CABLES2: variants seen among roughly 807,000 people sequenced by gnomAD.
CABLES2 encodes CDK5 and ABL1 enzyme substrate 2.
In CABLES2, 35 loss-of-function variants were observed where a neutral mutation model predicts 44.8. The ratio of observed to expected loss-of-function variants is 0.78; its 90% confidence interval spans 0.60 to 1.04. The LOEUF (loss-of-function observed/expected upper bound fraction) is 1.04, where lower values mean the gene tolerates loss of function less well. CABLES2 is among the 50% of genes least tolerant of loss of function. The pLI, the probability that CABLES2 is intolerant of heterozygous loss-of-function variation, is 0.00. For missense variants in CABLES2, 566 were observed against 615.7 expected (o/e 0.92, Z 0.85); for synonymous variants, 282 against 281.1 (o/e 1.00, Z -0.03).
Position 62,391,365 on chromosome 20 carries a change from C to T in CABLES2, c.1180G>A (p.Val394Ile), listed in dbSNP as rs1335443631. Reference sequence around the variant, plus strand: ...TGTTTGCTGAGCTTGCCCTGCAGGACCAGCTTCTCAAAGTACACGTAGGCC... The same window carrying T: ...TGTTTGCTGAGCTTGCCCTGCAGGATCAGCTTCTCAAAGTACACGTAGGCC... ...AMAYVYFEKL[V>I]LQGKLSKQNR... is the part of the protein sequence containing the mutation. Residue 394 changes from valine (V) to isoleucine (I), a missense_variant, in exon 9 of 10, where the codon GTC (valine) becomes ATC (isoleucine). By Grantham distance (29) the Val-to-Ile change is conservative. Around this residue, in one of 2 missense-constraint regions of CABLES2, gnomAD observed 436 missense variants for 536.3 expected, o/e 0.81. Coordinates refer to ENST00000279101, the MANE Select transcript of CABLES2 (RefSeq NM_031215.3). This position sits in a 1 kb window ranked among gnomAD's most constrained non-coding sequence, Gnocchi z 5.7. The T allele has an allele frequency of 3.1e-6, 5 of 1,613,496 alleles. No homozygotes were observed. Among genetic ancestry groups the T allele is most frequent in the South Asian group, 1.1e-5 (1 of 91,092 alleles).
Position 62,398,175 on chromosome 20 carries a change from G to GTGGTGGTGGTGACGGTGGTGA in CABLES2, c.363-1584_363-1583insTCACCACCGTCACCACCACCA, listed in dbSNP as rs1418202971. 1.6e-3 allele frequency among the ~76,000 whole-genome samples: 90 copies of GTGGTGGTGGTGACGGTGGTGA among 55,624 alleles called. 3 individuals carry two copies. In the African/African-American group the frequency reaches 0.021, roughly 13 times the overall value. 36.5% of individuals were successfully genotyped at this position (55,624 alleles called of 152,430 possible). The stretch of plus-strand genomic sequence containing the variant: ...GGTGGTGACGGTGATGGTGGTAATG[G>GTGGTGGTGGTGACGGTGGTGA]TGGTGGTGGTGATGGTGATGATGGT... On this transcript the variant is annotated intron_variant, in intron 1 of 9. Coordinates refer to ENST00000279101, the MANE Select transcript of CABLES2 (RefSeq NM_031215.3).
intron 4 of CABLES2, 78 bp from the exon 5 acceptor site, chr20:62,394,343 G>A: frequency 8.9e-7 from 1 of 1,129,516 alleles, no homozygotes; most frequent in South Asian, 1.2e-5. Flanking sequence ...CTGTCCGCTG[G>A]CCCGAGGTGC....
intron 1 of CABLES2, among the ~76,000 whole-genome samples, chr20:62,401,519 G>A (rs1159679449): frequency 1.3e-5 from 2 of 152,188 alleles, no homozygotes; most frequent in Non-Finnish European, 2.9e-5. Context: ...TGCTCGCCCC[G>A]GGCCCCACAG....
chr20:62,399,579 G>C (rs1375064780), intron 1 of CABLES2, among the ~76,000 whole-genome samples: 4 of 138,860 alleles, frequency 2.9e-5, no homozygotes, highest in Non-Finnish European at 6.1e-5. Context: ...CTCGACTGAT[G>C]ATGGGGTCAG....
At chr20:62,393,359 T>C (rs1039861859) in intron 6 of CABLES2, 81 bp downstream of exon 6, 8 of 1,401,726 alleles carry the variant, frequency 5.7e-6, no homozygotes, top group Non-Finnish European at 5.9e-6. Flanking sequence ...AGGGGCTTGC[T>C]GATGCTGCTG....
intron 1 of CABLES2, among the ~76,000 whole-genome samples, chr20:62,406,320 C>T (rs368429078): frequency 1.3e-5 from 2 of 152,038 alleles, no homozygotes; most frequent in East Asian, 1.9e-4. Flanking sequence ...TCAAAGAATG[C>T]GAAGAGATGC....
rs1006799671 is a variant in CABLES2, at chr20:62,391,705, G to A, written c.1092-252C>T. On this transcript the variant is annotated intron_variant, in intron 8 of 9. Transcript: ENST00000279101. The surrounding 1 kb of genome is among the most constrained non-coding windows in gnomAD (Gnocchi z 5.7). The stretch of plus-strand genomic sequence containing the variant: ...TGGGCACCCATGGCAGCTCCCACCT[G>A]TGCCTGGTGGGTGGAGCCACAGAGG... 2.0e-5 allele frequency among the ~76,000 whole-genome samples: 3 copies of A among 151,952 alleles called. No individual in the cohort carries two copies. Among genetic ancestry groups the A allele is most frequent in the Admixed American group, 6.6e-5 (1 of 15,260 alleles).
intron 1 of CABLES2, among the ~76,000 whole-genome samples, chr20:62,398,968 A>G (rs1305205289): frequency 6.6e-6 from 1 of 152,162 alleles, no homozygotes; most frequent in Non-Finnish European, 1.5e-5. Flanking sequence ...TTTTTTTGAG[A>G]TGGAGTCTCT....
rs1185044446 is a variant in CABLES2, at chr20:62,396,514, C to T, written c.434+7G>A. On this transcript the variant is annotated splice_region_variant and intron_variant, in intron 2 of 9. Coordinates refer to ENST00000279101, the MANE Select transcript of CABLES2 (RefSeq NM_031215.3). The surrounding 1 kb of genome is among the most constrained non-coding windows in gnomAD (Gnocchi z 5.7). ...TCGTAGAGCTCGGGGCGGACGGGGG[C>T]GTGTACCTCTGTGCTGGAGCGCATC... 5 of 1,613,762 alleles carry T rather than the reference C, an allele frequency of 3.1e-6. No homozygotes were observed. Among genetic ancestry groups the T allele is most frequent in the South Asian group, 1.1e-5 (1 of 91,082 alleles).
intron 1 of CABLES2, chr20:62,405,174 G>A (rs1988258021): frequency 6.6e-6 from 1 of 152,310 alleles, no homozygotes; most frequent in South Asian, 2.1e-4. Context: ...AGGACTGAGG[G>A]AGAAAGCTGT....
At position 62,391,840 on chromosome 20, in the gene CABLES2, G is replaced by A. The variant is rs75109882; in HGVS notation, c.1092-387C>T. Among the ~76,000 whole-genome samples the A allele has an allele frequency of 0.016, 2,498 of 152,106 alleles. 37 individuals are homozygous for A. Among genetic ancestry groups the A allele is most frequent in the Middle Eastern group, 0.037 (11 of 294 alleles). On this transcript the variant is annotated intron_variant, in intron 8 of 9. Transcript: ENST00000279101. This position sits in a 1 kb window ranked among gnomAD's most constrained non-coding sequence, Gnocchi z 5.7. ...GAGTGAGCTGCCCTCTGGAACACTG[G>A]GGCAGAGGCCGGCAGGGCAGGCCCC... is the stretch of plus-strand genomic sequence containing the variant.
intron 1 of CABLES2, among the ~76,000 whole-genome samples, chr20:62,398,574 C>G (rs1988130081): frequency 6.6e-6 from 1 of 152,210 alleles, no homozygotes; most frequent in Non-Finnish European, 1.5e-5. Flanking sequence ...CCAGCGCCGT[C>G]CTCAGGGTCC....
Position 62,396,892 on chromosome 20 carries a change from C to T in CABLES2, c.363-300G>A, listed in dbSNP as rs1344462418. The stretch of plus-strand genomic sequence containing the variant: ...AGCACAGCACGCCAACCTGCCCTGC[C>T]CACCGAGGGTCGCTCGGCCCCAAGC... On this transcript the variant is annotated intron_variant, in intron 1 of 9. Transcript: ENST00000279101. This position sits in a 1 kb window ranked among gnomAD's most constrained non-coding sequence, Gnocchi z 5.7. Among the ~76,000 whole-genome samples, 1 of 152,144 alleles carries T rather than the reference C, an allele frequency of 6.6e-6. No homozygotes were observed. Among genetic ancestry groups the T allele is most frequent in the Middle Eastern group, 3.2e-3 (1 of 316 alleles).
intron 1 of CABLES2, among the ~76,000 whole-genome samples, chr20:62,398,172 A>ATGGTGGTGGTGGTGGTGG (rs1404361715): frequency 1.6e-5 from 1 of 64,478 alleles, no homozygotes; most frequent in Non-Finnish European, 3.1e-5. Context: ...GATGGTGGTA[A>ATGGTGGTGGTGGTGGTGG]TGGTGGTGGT....
chr20:62,404,309 G>C, intron 1 of CABLES2: 1 of 152,400 alleles, frequency 6.6e-6, no homozygotes, highest in Non-Finnish European at 1.5e-5. Flanking sequence ...GCTTCTCAGA[G>C]GAGATTGAGG....
chr20:62,395,959 C>T lies in CABLES2; in HGVS notation c.527+356G>A, dbSNP rs558091373. Among the ~76,000 whole-genome samples the T allele has an allele frequency of 5.2e-4, 79 of 152,344 alleles. No homozygotes were observed. The South Asian group carries it at 0.016, about 31-fold the overall frequency. On this transcript the variant is annotated intron_variant, in intron 3 of 9. Coordinates refer to ENST00000279101, the MANE Select transcript of CABLES2 (RefSeq NM_031215.3). ...TGTTTGGTTTATTCAGCCTCTCCTC[C>T]GTGCTCCCAACAAAGCCCAGCCCTC...
intron 1 of CABLES2, among the ~76,000 whole-genome samples, chr20:62,398,155 T>TGAC (rs780236162): frequency 4.1e-5 from 5 of 121,394 alleles, no homozygotes; most frequent in Admixed American, 4.1e-4. Flanking sequence ...GTGGTGGTGG[T>TGAC]GACGGTGATG....
Position 62,406,916 on chromosome 20 carries a change from T to C in CABLES2, c.361A>G (p.Arg121Gly). Residue 121 changes from arginine to glycine, a missense_variant and splice_region_variant, in exon 1 of 10, where the codon AGG becomes GGG. This residue lies in a region of CABLES2 where 436 missense variants were observed against 536.3 expected (regional missense o/e 0.81). Coordinates refer to ENST00000279101, the MANE Select transcript of CABLES2 (RefSeq NM_031215.3). The stretch of plus-strand genomic sequence containing the variant: ...TGACCTGGCCGGGCCCCCACTCACC[T>C]CTGGCGCTGCCCATCCAGGCCGAGG... ...TGLGLDGQRQ[R>G]KRVTSQRCSL... The C allele has an allele frequency of 8.2e-7, 1 of 1,219,184 alleles. No individual in the cohort carries two copies. Among genetic ancestry groups the C allele is most frequent in the Non-Finnish European group, 1.0e-6 (1 of 978,776 alleles). The allele number at this position is 1,219,184 out of a possible 1,614,324, so 75.5% of individuals were successfully genotyped here.
In CABLES2 at chr20:62,407,098, C is replaced by T; in HGVS notation, c.179G>A (p.Arg60Gln). ...FFLNNISLDG[R>Q]PPSLGPGGEK... ...TCCGCCCGGGCCCAGGCTCGGGGGC[C>T]GCCCGTCCAGGGAGATGTTGTTGAG... is the stretch of plus-strand genomic sequence containing the variant. Residue 60 changes from arginine (R) to glutamine (Q), a missense_variant, in exon 1 of 10, where the codon CGG becomes CAG. Coordinates refer to ENST00000279101, the MANE Select transcript of CABLES2 (RefSeq NM_031215.3). The T allele has an allele frequency of 9.6e-7, 1 of 1,046,078 alleles. No homozygotes were observed. Among genetic ancestry groups the T allele is most frequent in the East Asian group, 8.7e-5 (1 of 11,480 alleles). 64.8% of individuals were successfully genotyped at this position (1,046,078 alleles called of 1,614,324 possible).
Sources: allele counts gnomAD v4.1 joint callset (sites outside exome capture counted in the v4.1 genomes callset), GRCh38; gene constraint gnomAD v4.1.1; regional missense constraint gnomAD v4.1.1; non-coding constraint Gnocchi (gnomAD v3.1); transcripts MANE v1.5; gene names NCBI Gene and HGNC (gene_info 2026-07-23, HGNC 2026-07-21).